Variants in KAZN observed in about 807,000 individuals in gnomAD.
The protein encoded by KAZN is kazrin, periplakin interacting protein.
In KAZN, 40 loss-of-function variants were observed where a neutral mutation model predicts 87.4. That is an observed-to-expected ratio of 0.46 (90% CI 0.36 to 0.60). The LOEUF (loss-of-function observed/expected upper bound fraction) is 0.60, where lower values mean the gene tolerates loss of function less well. Among genes scored for constraint, KAZN ranks in the 20% least tolerant of loss-of-function variants. The pLI is 0.00. For missense variants in KAZN, 898 were observed against 1,073.9 expected (o/e 0.84, Z 2.29); for synonymous variants, 466 against 458.3 (o/e 1.02, Z -0.22).
At chr1:14,252,522 G>T (rs191320170) in intron 2 of KAZN, among the ~76,000 whole-genome samples, 6 of 152,170 alleles carry the variant, frequency 3.9e-5, no homozygotes, top group Non-Finnish European at 7.4e-5. Flanking sequence ...TGTTCCCTCT[G>T]CCTGGAACAT....
intron 2 of KAZN, among the ~76,000 whole-genome samples, chr1:14,340,254 C>T (rs1053125264): frequency 2.0e-5 from 3 of 152,214 alleles, no homozygotes; most frequent in African/African-American, 7.2e-5. Context: ...GTGCTTTGCA[C>T]AGAGCAGACA....
At chr1:15,112,146 C>T (rs577684058) in intron 13 of KAZN, 13 of 480,158 alleles carry the variant, frequency 2.7e-5, no homozygotes, top group East Asian at 7.6e-5. Flanking sequence ...TTGATTCTGC[C>T]GCTAACAGCT....
At chr1:13,948,689 G>A (rs1384273113) in intron 1 of KAZN, among the ~76,000 whole-genome samples, 4 of 151,970 alleles carry the variant, frequency 2.6e-5, no homozygotes, top group Admixed American at 1.3e-4. Flanking sequence ...GCCATGAACC[G>A]TTCTTTTTTT....
At chr1:14,513,888 A>C (rs1485558675) in intron 2 of KAZN, among the ~76,000 whole-genome samples, 1 of 152,066 alleles carries the variant, frequency 6.6e-6, no homozygotes, top group Non-Finnish European at 1.5e-5. Flanking sequence ...TCATTCTTAG[A>C]GGTGTCTTTA....
chr1:14,925,008 A>G (rs542525635), intron 1 of KAZN, among the ~76,000 whole-genome samples: 1 of 152,348 alleles, frequency 6.6e-6, no homozygotes, highest in African/African-American at 2.4e-5. Context: ...TCCGAGGCGA[A>G]ATTGATGCCT....
rs535239378 is a variant in KAZN, at chr1:14,873,046, C to T, written c.227-87638C>T. The stretch of plus-strand genomic sequence containing the variant: ...TGGGTGGGTGGATAGATAGATGAAT[C>T]GGTGGGTGGATGGATGGATGGGTGG... On this transcript the variant is annotated intron_variant, in intron 1 of 14. Coordinates refer to ENST00000376030, the MANE Select transcript of KAZN (RefSeq NM_201628.3). Among the ~76,000 whole-genome samples, 12 of 106,876 alleles carry T rather than the reference C, an allele frequency of 1.1e-4. 1 individual carries two copies. The highest frequency in any genetic ancestry group is 4.6e-4 in the African/African-American group (12 of 25,914). The allele number at this position is 106,876 out of a possible 152,430, so 70.1% of individuals were successfully genotyped here.
At chr1:14,130,078 AGTC>A (rs1274194028) in intron 1 of KAZN, among the ~76,000 whole-genome samples, 1 of 152,258 alleles carries the variant, frequency 6.6e-6, no homozygotes, top group Non-Finnish European at 1.5e-5. Flanking sequence ...ACAGTCAGTA[AGTC>A]TGTCTCTTAT....
At chr1:14,818,331 C>T (rs1646634109) in intron 1 of KAZN, among the ~76,000 whole-genome samples, 1 of 152,202 alleles carries the variant, frequency 6.6e-6, no homozygotes, top group Admixed American at 6.5e-5. Context: ...CCCACTAAAA[C>T]TGGGTGATCT....
At chr1:14,386,146 T>G (rs1661866611) in intron 2 of KAZN, among the ~76,000 whole-genome samples, 1 of 146,854 alleles carries the variant, frequency 6.8e-6, no homozygotes, top group Non-Finnish European at 1.5e-5. Context: ...CCCTGCCTTT[T>G]TTTGTTTTCC....
intron 1 of KAZN, among the ~76,000 whole-genome samples, chr1:14,042,792 A>G (rs1641896826): frequency 6.6e-6 from 1 of 152,222 alleles, no homozygotes; most frequent in African/African-American, 2.4e-5. Context: ...CATTTGATGT[A>G]TCATCTTTCC....
intron 2 of KAZN, among the ~76,000 whole-genome samples, chr1:14,568,135 C>T (rs185357113): frequency 6.2e-4 from 95 of 152,260 alleles, no homozygotes; most frequent in South Asian, 5.0e-3. Flanking sequence ...AAAGAGGATC[C>T]GCTCATTCCC....
intron 2 of KAZN, among the ~76,000 whole-genome samples, chr1:14,284,731 A>G (rs1264645006): frequency 6.6e-6 from 1 of 152,240 alleles, no homozygotes; most frequent in Non-Finnish European, 1.5e-5. Flanking sequence ...AGCCCAGGTG[A>G]CAGTGACAAA....
At chr1:14,691,858 A>C (rs1641331958) in intron 1 of KAZN, among the ~76,000 whole-genome samples, 1 of 151,496 alleles carries the variant, frequency 6.6e-6, no homozygotes, top group Admixed American at 6.6e-5. Context: ...CCATCCAGCA[A>C]GCACCTGATC....
chr1:14,703,451 T>G (rs543685255), intron 1 of KAZN, among the ~76,000 whole-genome samples: 1 of 152,378 alleles, frequency 6.6e-6, no homozygotes, highest in Admixed American at 6.5e-5. Context: ...CAGTCATTCT[T>G]CTTCTCCCTG....
chr1:14,704,716 T>C (rs1642116407), intron 1 of KAZN, among the ~76,000 whole-genome samples: 1 of 152,234 alleles, frequency 6.6e-6, no homozygotes, highest in Non-Finnish European at 1.5e-5. Flanking sequence ...CCTTGTGTTC[T>C]GCTCCCTGCC....
intron 1 of KAZN, among the ~76,000 whole-genome samples, chr1:14,690,489 A>G (rs749108378): frequency 3.9e-5 from 6 of 152,172 alleles, no homozygotes; most frequent in Non-Finnish European, 7.3e-5. Context: ...CTTGTCACCA[A>G]AACAATCGGT....
intron 1 of KAZN, among the ~76,000 whole-genome samples, chr1:14,149,902 G>A (rs752147707): frequency 4.6e-5 from 7 of 152,152 alleles, no homozygotes; most frequent in East Asian, 1.9e-4. Flanking sequence ...GAGGAAAACC[G>A]ATCTCTCTAA....
In KAZN at chr1:14,009,621, G is replaced by T. The variant is rs189823829; in HGVS notation, c.91+115865G>T. ...AGGGCACAGAGAGGTCAAGTTACTT[G>T]TTCAAGCTCACATAGTCAGTGGTCA... On this transcript the variant is annotated intron_variant, in intron 1 of 16. Coordinates refer to the KAZN transcript ENST00000636203. 1.2e-4 allele frequency among the ~76,000 whole-genome samples: 19 copies of T among 152,306 alleles called. No individual in the cohort carries two copies. The East Asian group carries it at 3.5e-3, about 28-fold the overall frequency.
intron 1 of KAZN, among the ~76,000 whole-genome samples, chr1:14,885,421 C>T (rs1002934646): frequency 6.6e-6 from 1 of 152,210 alleles, no homozygotes; most frequent in Non-Finnish European, 1.5e-5. Flanking sequence ...TAAGTGTCCC[C>T]ACTTCCCCAG....
Sources: gnomAD v4.1 joint callset for allele counts (sites outside exome capture counted in the v4.1 genomes callset) on GRCh38, gnomAD v4.1.1 for gene constraint, MANE v1.5 for transcripts, NCBI Gene and HGNC (gene_info 2026-07-23, HGNC 2026-07-21) for gene names.